Variants in PCMTD1 observed in about 807,000 individuals in gnomAD.
PCMTD1 encodes the protein protein-L-isoaspartate (D-aspartate) O-methyltransferase domain containing 1.
A neutral mutation model predicts 37.6 loss-of-function variants in PCMTD1; 12 were observed. The observed-to-expected ratio is 0.32, with a 90% CI of 0.20 to 0.52. PCMTD1 has a LOEUF of 0.52. Among genes scored for constraint, PCMTD1 ranks in the 20% least tolerant of loss-of-function variants. The pLI is 0.97. For missense variants in PCMTD1, 235 were observed against 421.3 expected, an observed-to-expected ratio of 0.56 and a Z score of 3.87; for synonymous variants, 117 against 135.8, an observed-to-expected ratio of 0.86 and a Z score of 0.96.
intron 1 of PCMTD1, among the ~76,000 whole-genome samples, chr8:51,891,780 T>C (rs1205432886): frequency 6.6e-6 from 1 of 151,228 alleles, no homozygotes; most frequent in Non-Finnish European, 1.5e-5. Flanking sequence ...AAATAGGTAG[T>C]ACAGTTTACA....
chr8:51,865,359 T>G (rs1240887071), intron 1 of PCMTD1, among the ~76,000 whole-genome samples: 10 of 152,030 alleles, frequency 6.6e-5, no homozygotes. Context: ...TGAAGCTAGA[T>G]AAGGACACTA....
chr8:51,835,931 T>C (rs2129277215), intron 3 of PCMTD1, among the ~76,000 whole-genome samples: 1 of 152,328 alleles, frequency 6.6e-6, no homozygotes, highest in Non-Finnish European at 1.5e-5. Flanking sequence ...AAATTAAATG[T>C]GTGACACTGG....
chr8:51,827,126 C>G (rs1480569820), intron 5 of PCMTD1: 1 of 1,055,088 alleles, frequency 9.5e-7, no homozygotes, highest in African/African-American at 1.7e-5. Context: ...AACTTATTCT[C>G]CATACATCCT....
At chr8:51,882,137 G>A (rs115186328) in intron 1 of PCMTD1, among the ~76,000 whole-genome samples, 1 of 152,164 alleles carries the variant, frequency 6.6e-6, no homozygotes, top group East Asian at 1.9e-4. Context: ...AGAAGTCCAA[G>A]ATCAAAGTGC....
intron 1 of PCMTD1, among the ~76,000 whole-genome samples, chr8:51,880,080 G>A (rs1455279617): frequency 6.6e-6 from 1 of 151,580 alleles, no homozygotes; most frequent in Non-Finnish European, 1.5e-5. Context: ...TGTACCTGAA[G>A]TCCCAGCTAC....
chr8:51,867,501 G>A (rs559650713), intron 1 of PCMTD1, among the ~76,000 whole-genome samples: 19 of 117,856 alleles, frequency 1.6e-4, no homozygotes, highest in Non-Finnish European at 3.4e-4. Flanking sequence ...GTGTGTGTGT[G>A]TGTGTGTGTG....
intron 2 of PCMTD1, among the ~76,000 whole-genome samples, chr8:51,847,713 A>G (rs556906691): frequency 1.3e-5 from 2 of 152,298 alleles, no homozygotes; most frequent in South Asian, 4.1e-4. Flanking sequence ...ACATAAACCT[A>G]ATTTCCCTTT....
At chr8:51,844,282 A>G (rs1419703147) in intron 3 of PCMTD1, among the ~76,000 whole-genome samples, 1 of 152,210 alleles carries the variant, frequency 6.6e-6, no homozygotes, top group African/African-American at 2.4e-5. Context: ...AAAACGAATC[A>G]AAATGTGCAT....
At chr8:51,841,641 G>C (rs1036896721) in intron 3 of PCMTD1, among the ~76,000 whole-genome samples, 4 of 150,078 alleles carry the variant, frequency 2.7e-5, no homozygotes, top group Non-Finnish European at 4.5e-5. Flanking sequence ...TATACTTCAG[G>C]CTCCTTTAAC....
chr8:51,865,867 T>C (rs972771497), intron 1 of PCMTD1, among the ~76,000 whole-genome samples: 7 of 151,158 alleles, frequency 4.6e-5, no homozygotes, highest in Admixed American at 2.0e-4. Context: ...AAAGCAAAAA[T>C]TGAAAATACC....
chr8:51,820,237 T>TC lies in PCMTD1; in HGVS notation c.*113_*114insG. The TC allele has an allele frequency of 2.1e-6, 2 of 933,702 alleles. No individual in the cohort carries two copies. The highest frequency in any genetic ancestry group is 6.1e-5 in the East Asian group (2 of 32,718). The allele number at this position is 933,702 out of a possible 1,614,324, so 57.8% of individuals were successfully genotyped here. ...TACTGACAGAAACAAGTGATTTTTT[T>TC]TCCACTATAATTTGCTCTGATGAAA... On this transcript the variant is annotated 3_prime_UTR_variant, in exon 6 of 6. Transcript: ENST00000522514.
chr8:51,872,278 G>A (rs2038650570), intron 1 of PCMTD1, among the ~76,000 whole-genome samples: 1 of 151,892 alleles, frequency 6.6e-6, no homozygotes, highest in South Asian at 2.1e-4. Flanking sequence ...AAACACAACT[G>A]CCTATTACCA....
intron 1 of PCMTD1, among the ~76,000 whole-genome samples, chr8:51,898,193 T>C (rs2039036475): frequency 6.6e-6 from 1 of 152,090 alleles, no homozygotes; most frequent in Non-Finnish European, 1.5e-5. Flanking sequence ...AATATATCTC[T>C]GGTTTCTCGA....
chr8:51,854,958 C>T (rs571756138), intron 2 of PCMTD1, among the ~76,000 whole-genome samples: 3 of 149,750 alleles, frequency 2.0e-5, no homozygotes, highest in South Asian at 4.2e-4. Flanking sequence ...GTGGATCACC[C>T]GAAGTCGGGA....
chr8:51,872,750 T>G (rs2038657034), intron 1 of PCMTD1, among the ~76,000 whole-genome samples: 1 of 152,220 alleles, frequency 6.6e-6, no homozygotes, highest in Non-Finnish European at 1.5e-5. Flanking sequence ...TCGCTTCAGA[T>G]GATCTGTATC....
chr8:51,877,889 C>T (rs2038735209), intron 1 of PCMTD1, among the ~76,000 whole-genome samples: 1 of 152,112 alleles, frequency 6.6e-6, no homozygotes, highest in Non-Finnish European at 1.5e-5. Context: ...AGAAAACATC[C>T]TTGTTCTTGG....
At chr8:51,850,772 A>ATCC (rs1265098862) in intron 2 of PCMTD1, among the ~76,000 whole-genome samples, 22 of 152,320 alleles carry the variant, frequency 1.4e-4, no homozygotes, top group Admixed American at 7.2e-4. Context: ...ATATAAAAGG[A>ATCC]TCTTTCAATA....
At chr8:51,873,506 G>A (rs12544903) in intron 1 of PCMTD1, among the ~76,000 whole-genome samples, 8,267 of 152,124 alleles carry the variant, frequency 0.054, 244 homozygotes, top group African/African-American at 0.081. Context: ...TCATAGTAAT[G>A]GTATAGGCTC....
intron 1 of PCMTD1, among the ~76,000 whole-genome samples, chr8:51,890,689 C>A (rs763620012): frequency 6.6e-6 from 1 of 152,198 alleles, no homozygotes; most frequent in Non-Finnish European, 1.5e-5. Context: ...GATCCATCCA[C>A]CAGCACACCT....
Sources: gnomAD v4.1 joint callset for allele counts (sites outside exome capture counted in the v4.1 genomes callset) on GRCh38, gnomAD v4.1.1 for gene constraint, MANE v1.5 for transcripts, NCBI Gene and HGNC (gene_info 2026-07-23, HGNC 2026-07-21) for gene names.